ESYT2: variants seen among roughly 807,000 people sequenced by gnomAD.
The protein encoded by ESYT2 is extended synaptotagmin 2, also known as extended synaptotagmin-2.
In ESYT2, 54 loss-of-function variants were observed where a neutral mutation model predicts 107.2. The ratio of observed to expected loss-of-function variants is 0.50; its 90% CI spans 0.40 to 0.63. The LOEUF (loss-of-function observed/expected upper bound fraction) is 0.63. Among genes scored for constraint, ESYT2 ranks in the 30% least tolerant of loss-of-function variants. ESYT2 has a pLI of 0.00. For missense variants in ESYT2, 1,020 were observed against 1,094.5 expected (o/e 0.93, Z 0.96); for synonymous variants, 491 against 434.1 (o/e 1.13, Z -1.63).
intron 16 of ESYT2, 54 bp from the exon 17 acceptor site, chr7:158,743,732 C>A: frequency 6.4e-7 from 1 of 1,558,412 alleles, no homozygotes; most frequent in Middle Eastern, 1.7e-4. Context: ...TCTGCAGAAC[C>A]TTTCTACGTT....
intron 6 of ESYT2, among the ~76,000 whole-genome samples, chr7:158,776,540 T>G (rs1225599617): frequency 1.3e-5 from 2 of 152,192 alleles, no homozygotes; most frequent in African/African-American, 4.8e-5. Context: ...TCTTCAAACT[T>G]TTCTTCTGCA....
chr7:158,823,294 C>CA (rs1173735798), intron 1 of ESYT2, among the ~76,000 whole-genome samples: 3,905 of 29,618 alleles, frequency 0.13, 640 homozygotes, highest in Non-Finnish European at 0.19. Flanking sequence ...GACTCTGTCT[C>CA]AAAAAAAAAA....
chr7:158,778,795 T>C (rs1383379411), intron 6 of ESYT2, among the ~76,000 whole-genome samples: 2 of 151,762 alleles, frequency 1.3e-5, no homozygotes, highest in African/African-American at 4.8e-5. Flanking sequence ...TTATATCGTG[T>C]ATAAAGGTGC....
At chr7:158,798,523 G>A (rs1195600751) in intron 2 of ESYT2, among the ~76,000 whole-genome samples, 1 of 151,810 alleles carries the variant, frequency 6.6e-6, no homozygotes, top group Non-Finnish European at 1.5e-5. Context: ...GTGCGTGCCT[G>A]TAATCCCAGC....
At chr7:158,781,017 C>A (rs556589463) in intron 6 of ESYT2, among the ~76,000 whole-genome samples, 2 of 152,068 alleles carry the variant, frequency 1.3e-5, no homozygotes, top group South Asian at 4.1e-4. Context: ...TGAGAATGAG[C>A]GTGAGAAAGA....
At chr7:158,817,153 T>A (rs1269761966) in intron 1 of ESYT2, among the ~76,000 whole-genome samples, 1 of 152,264 alleles carries the variant, frequency 6.6e-6, no homozygotes, top group Middle Eastern at 3.4e-3. Flanking sequence ...AAAGTTAACC[T>A]GTAAAACTAC....
chr7:158,824,462 GCATTA>G (rs1423827912), intron 1 of ESYT2, among the ~76,000 whole-genome samples: 4 of 152,146 alleles, frequency 2.6e-5, no homozygotes, highest in African/African-American at 9.7e-5. Context: ...AGATCACAGT[GCATTA>G]TTTTCTTCTG....
intron 1 of ESYT2, among the ~76,000 whole-genome samples, chr7:158,800,740 T>C (rs1839616672): frequency 6.6e-6 from 1 of 151,270 alleles, no homozygotes; most frequent in Non-Finnish European, 1.5e-5. Flanking sequence ...TTTTCTTTTT[T>C]TTTTTTGAGA....
In ESYT2 at chr7:158,792,857, C is replaced by G. The variant is rs34971684; in HGVS notation, c.584+793G>C. 5.6e-3 allele frequency among the ~76,000 whole-genome samples: 850 copies of G among 151,084 alleles called. 5 individuals are homozygous for G. Among genetic ancestry groups the G allele is most frequent in the Non-Finnish European group, 9.6e-3 (649 of 67,828 alleles). ...GATCTCGGCTCACTGCAAGCTCCGC[C>G]TCCCAGGTTCACACCACTCTCCTGC... On this transcript the variant is annotated intron_variant, in intron 4 of 22. Transcript: ENST00000275418.
Position 158,785,996 on chromosome 7 carries a change from C to A in ESYT2, c.747+2008G>T, listed in dbSNP as rs149814907. ...TGAGGAGGAATTACTTGGCAGCCAG[C>A]TGTAACTCTGTTCTCATATTTTCCA... On this transcript the variant is annotated intron_variant, in intron 6 of 22. Transcript: ENST00000275418. 4.7e-3 allele frequency among the ~76,000 whole-genome samples: 714 copies of A among 152,266 alleles called. 3 individuals are homozygous for A. Among genetic ancestry groups the A allele is most frequent in the African/African-American group, 0.016 (677 of 41,552 alleles).
At chr7:158,736,658 G>T (rs6960190) in intron 20 of ESYT2, among the ~76,000 whole-genome samples, 35,958 of 151,824 alleles carry the variant, frequency 0.24, 5,093 homozygotes, top group East Asian at 0.59. Context: ...ATGTCATACG[G>T]TAAGATGTTT....
At chr7:158,761,438 C>T (rs1837956356) in intron 11 of ESYT2, 58 bp downstream of exon 11, 1 of 1,540,734 alleles carries the variant, frequency 6.5e-7, no homozygotes, top group African/African-American at 1.4e-5. Flanking sequence ...GCTCCTCTGG[C>T]ACAGGGCAGG....
intron 16 of ESYT2, among the ~76,000 whole-genome samples, chr7:158,744,418 C>T (rs541361867): frequency 9.2e-5 from 14 of 152,302 alleles, no homozygotes; most frequent in African/African-American, 3.4e-4. Flanking sequence ...ACACTCATAA[C>T]GATGTATACA....
intron 16 of ESYT2, among the ~76,000 whole-genome samples, chr7:158,745,254 C>T (rs5029135): frequency 0.027 from 360 of 13,496 alleles, 5 homozygotes; most frequent in African/African-American, 0.056. Context: ...CTCCTAGGCC[C>T]GGCTGTTCAC....
intron 18 of ESYT2, among the ~76,000 whole-genome samples, chr7:158,740,328 C>T (rs1480224192): frequency 2.0e-5 from 3 of 152,246 alleles, no homozygotes; most frequent in Non-Finnish European, 4.4e-5. Context: ...AGGCTGCAAC[C>T]CTATAAGGAT....
At chr7:158,781,431 AGTGT>A (rs10578116) in intron 6 of ESYT2, among the ~76,000 whole-genome samples, 14 of 151,542 alleles carry the variant, frequency 9.2e-5, no homozygotes, top group Non-Finnish European at 1.6e-4. Flanking sequence ...ACGAGTGAGA[AGTGT>A]GAGTGTGAAC....
intron 13 of ESYT2, among the ~76,000 whole-genome samples, chr7:158,759,248 C>T (rs1265273335): frequency 2.0e-5 from 3 of 152,242 alleles, no homozygotes; most frequent in African/African-American, 7.2e-5. Context: ...AACCACTATT[C>T]ATCTTCTTTT....
rs1206325973 is a variant in ESYT2 at position 158,828,951 on chromosome 7, T to C, written c.330+138A>G. On this transcript the variant is annotated intron_variant, in intron 1 of 22. Transcript: ENST00000275418. ...GCCTGGACCGGGGTGGGTGGGGGACTACGAAGGCGGGAGCCGGGGCAGGGC... is the reference window on the plus strand; with the variant it reads ...GCCTGGACCGGGGTGGGTGGGGGACCACGAAGGCGGGAGCCGGGGCAGGGC... 7.6e-6 allele frequency: 10 copies of C among 1,323,618 alleles called. No individual in the cohort carries two copies. The African/African-American group carries it at 8.6e-5, about 11-fold the overall frequency. The allele number at this position is 1,323,618 out of a possible 1,614,324, so 82.0% of individuals were successfully genotyped here. A position where few individuals can be genotyped will look rare whatever the true frequency, so the allele number is the denominator to read the frequency against.
chr7:158,792,788 A>C (rs1464418352), intron 4 of ESYT2, among the ~76,000 whole-genome samples: 1 of 72,602 alleles, frequency 1.4e-5, no homozygotes, highest in African/African-American at 6.0e-5. Context: ...TTTTTTTTTG[A>C]GATGGAGTCT....
Sources: allele counts gnomAD v4.1 joint callset (sites outside exome capture counted in the v4.1 genomes callset), GRCh38; gene constraint gnomAD v4.1.1; transcripts MANE v1.5; gene names NCBI Gene and HGNC (gene_info 2026-07-23, HGNC 2026-07-21).